Variants in CENPC observed in about 807,000 individuals in gnomAD.
CENPC encodes centromere protein C, also known as CENP-C 1.
A neutral mutation model predicts 112.1 loss-of-function variants in CENPC; 63 were observed. The observed-to-expected ratio is 0.56, with a 90% CI of 0.46 to 0.69. CENPC has a LOEUF of 0.69. Ranked by LOEUF, CENPC falls within the 30% of genes least tolerant of loss-of-function variation. CENPC has a pLI of 0.00. For missense variants in CENPC, 1,000 were observed against 1,103.8 expected (o/e 0.91, Z 1.33); for synonymous variants, 333 against 367.6 (o/e 0.91, Z 1.08).
chr4:67,477,780 C>T (rs1043071192), intron 17 of CENPC, among the ~76,000 whole-genome samples: 1 of 151,756 alleles, frequency 6.6e-6, no homozygotes, highest in Non-Finnish European at 1.5e-5. Flanking sequence ...AAGATGAAAA[C>T]CAACTTAAAG....
chr4:67,541,110 C>T (rs1726877481), intron 2 of CENPC, 60 bp from the exon 3 acceptor site: 4 of 1,050,284 alleles, frequency 3.8e-6, no homozygotes, highest in Middle Eastern at 2.1e-4. Flanking sequence ...ATTACCATCT[C>T]TTTGAAAATT....
intron 7 of CENPC, among the ~76,000 whole-genome samples, chr4:67,515,717 G>A (rs1298612995): frequency 6.6e-6 from 1 of 151,852 alleles, no homozygotes; most frequent in Non-Finnish European, 1.5e-5. Flanking sequence ...TTCCAAGTTT[G>A]GGTATTTCAC....
chr4:67,518,477 A>G (rs1726124824), intron 6 of CENPC, 109 bp from the exon 7 acceptor site: 2 of 1,147,056 alleles, frequency 1.7e-6, no homozygotes. Flanking sequence ...AAAATTCTGT[A>G]CTAGGCATTT....
intron 1 of CENPC, among the ~76,000 whole-genome samples, chr4:67,544,537 C>T (rs769011625): frequency 2.6e-5 from 4 of 151,934 alleles, no homozygotes; most frequent in Non-Finnish European, 5.9e-5. Flanking sequence ...ATATGTATAA[C>T]GTCACATAAT....
intron 5 of CENPC, among the ~76,000 whole-genome samples, chr4:67,523,569 G>C (rs1161385511): frequency 6.6e-6 from 1 of 152,164 alleles, no homozygotes; most frequent in Non-Finnish European, 1.5e-5. Context: ...ATGGATTAGA[G>C]TCAGAGACAT....
intron 11 of CENPC, among the ~76,000 whole-genome samples, 168 bp downstream of exon 11, chr4:67,506,620 G>C (rs369011538): frequency 1.3e-5 from 2 of 152,146 alleles, no homozygotes; most frequent in African/African-American, 4.8e-5. Flanking sequence ...GAGAATATCC[G>C]AGCCAAAACT....
At chr4:67,505,339 T>C (rs1725704845) in intron 11 of CENPC, 55 bp from the exon 12 acceptor site, 4 of 1,019,244 alleles carry the variant, frequency 3.9e-6, no homozygotes, top group Non-Finnish European at 5.8e-6. Flanking sequence ...ATATATCTAA[T>C]GTATTTGCCT....
intron 18 of CENPC, among the ~76,000 whole-genome samples, chr4:67,474,224 C>T (rs529008437): frequency 6.6e-6 from 1 of 152,042 alleles, no homozygotes; most frequent in African/African-American, 2.4e-5. Context: ...GCCACCACGC[C>T]CAGCTAATTT....
At chr4:67,477,430 G>A (rs1006309690) in intron 17 of CENPC, among the ~76,000 whole-genome samples, 1 of 152,164 alleles carries the variant, frequency 6.6e-6, no homozygotes, top group South Asian at 2.1e-4. Context: ...GCTCTGCTGG[G>A]TAGCTAGACA....
rs1245665710 is a variant in CENPC at position 67,493,014 on chromosome 4, A to C, written c.2291-17T>G. Reference sequence around the variant, plus strand: ...CGAATCCTCCTGAAATTTAACAAAAAAAGTAAAATATACATGGGAAAGACA... The same window carrying C: ...CGAATCCTCCTGAAATTTAACAAAACAAGTAAAATATACATGGGAAAGACA... On this transcript the variant is annotated splice_polypyrimidine_tract_variant and intron_variant, in intron 14 of 18. Coordinates refer to ENST00000273853, the MANE Select transcript of CENPC (RefSeq NM_001812.4). 2.0e-6 allele frequency: 3 copies of C among 1,506,046 alleles called. No homozygotes were observed. Among genetic ancestry groups the C allele is most frequent in the Non-Finnish European group, 2.6e-6 (3 of 1,132,100 alleles). The allele number at this position is 1,506,046 out of a possible 1,614,324, so 93.3% of individuals were successfully genotyped here. A position where few individuals can be genotyped will look rare whatever the true frequency, so the allele number is the denominator to read the frequency against.
chr4:67,536,928 C>T (rs892597894), intron 4 of CENPC, among the ~76,000 whole-genome samples: 18 of 150,280 alleles, frequency 1.2e-4, no homozygotes, highest in African/African-American at 3.7e-4. Context: ...ATGTGACTTA[C>T]GAGCAGTAAT....
intron 4 of CENPC, among the ~76,000 whole-genome samples, 154 bp downstream of exon 4, chr4:67,539,686 C>G (rs777363663): frequency 9.2e-5 from 14 of 152,074 alleles, no homozygotes; most frequent in Non-Finnish European, 1.9e-4. Context: ...AAACTTTTCA[C>G]AAAATACCTC....
chr4:67,486,968 G>GGT (rs1725110088), intron 17 of CENPC, among the ~76,000 whole-genome samples: 1 of 131,820 alleles, frequency 7.6e-6, no homozygotes, highest in African/African-American at 2.8e-5. Flanking sequence ...TTGCTTTTAG[G>GGT]TTTTTTTTTT....
Position 67,490,058 on chromosome 4 carries a change from T to C in CENPC, c.2579A>G (p.Lys860Arg). The C allele has an allele frequency of 6.2e-7, 1 of 1,610,758 alleles. No homozygotes were observed. The highest frequency in any genetic ancestry group is 8.5e-7 in the Non-Finnish European group (1 of 1,178,378). Residue 860 changes from lysine to arginine, a missense_variant, in exon 17 of 19, where the codon AAG (lysine) becomes AGG (arginine). Transcript: ENST00000273853. ...FVKHGELKVY[K>R]TLDTPFFSTG... is the part of the protein sequence containing the mutation. Reference sequence around the variant, plus strand: ...AGAAAAAAAGGGTGTATCCAATGTCTTGTATACCTTCAACTCACCATGCTT... The same window carrying C: ...AGAAAAAAAGGGTGTATCCAATGTCCTGTATACCTTCAACTCACCATGCTT...
rs1724627229 is a variant in CENPC, at chr4:67,470,507, G to A, written c.*2098C>T. ...GAATTGCTTGAACCCGGGAGGTGGA[G>A]GTTGCAGTGAGCCGAGATCACACCA... On this transcript the variant is annotated 3_prime_UTR_variant, in exon 19 of 19. Transcript: ENST00000273853. The A allele has an allele frequency of 6.9e-6, 1 of 145,458 alleles. No homozygotes were observed. Among genetic ancestry groups the A allele is most frequent in the South Asian group, 2.2e-4 (1 of 4,592 alleles). 9.0% of individuals were successfully genotyped at this position (145,458 alleles called of 1,614,324 possible).
At chr4:67,526,172 G>A (rs1726371128) in intron 5 of CENPC, among the ~76,000 whole-genome samples, 1 of 152,020 alleles carries the variant, frequency 6.6e-6, no homozygotes, top group Non-Finnish European at 1.5e-5. Context: ...GTGGTGGGGG[G>A]AGGGAGGAAA....
intron 16 of CENPC, among the ~76,000 whole-genome samples, chr4:67,491,480 T>TATATATATATAGAGAGAGAGAG (rs1725270093): frequency 5.5e-5 from 1 of 18,098 alleles, no homozygotes; most frequent in Admixed American, 8.2e-4. Context: ...TATATATATA[T>TATATATATATAGAGAGAGAGAG]AGAGAGAGAG....
At position 67,508,800 on chromosome 4, in the gene CENPC, A is replaced by G. The variant is rs949871938; in HGVS notation, c.1904+14T>C. 9.9e-6 allele frequency: 16 copies of G among 1,609,700 alleles called. 1 individual carries two copies. The highest frequency in any genetic ancestry group is 8.8e-5 in the South Asian group (8 of 90,716). ...CAACAAAAGTAACTATATTGTACAC[A>G]TAACAGACATTACCTAGAACAATCA... On this transcript the variant is annotated intron_variant, in intron 10 of 18. Transcript: ENST00000273853.
intron 17 of CENPC, among the ~76,000 whole-genome samples, chr4:67,484,832 G>C (rs1846060): frequency 6.6e-6 from 1 of 151,950 alleles, no homozygotes; most frequent in Non-Finnish European, 1.5e-5. Flanking sequence ...AGTGGCTCAC[G>C]CCTGTAATCC....
Sources: allele counts gnomAD v4.1 joint callset (sites outside exome capture counted in the v4.1 genomes callset), GRCh38; gene constraint gnomAD v4.1.1; transcripts MANE v1.5; gene names NCBI Gene and HGNC (gene_info 2026-07-23, HGNC 2026-07-21).